CALD1: variants seen among roughly 807,000 people sequenced by gnomAD.
The protein encoded by CALD1 is caldesmon 1, also known as caldesmon.
In CALD1, 33 loss-of-function variants were observed where a neutral mutation model predicts 99.9. That is an observed-to-expected ratio of 0.33 (90% CI 0.25 to 0.44). The LOEUF (loss-of-function observed/expected upper bound fraction) is 0.44, where lower values mean the gene tolerates loss of function less well. CALD1 is among the 20% of genes least tolerant of loss of function. The pLI, the probability that CALD1 is intolerant of heterozygous loss-of-function variation, is 1.00. For synonymous variants in CALD1, 310 were observed against 325.0 expected (o/e 0.95, Z 0.50); for missense variants, 861 against 962.1 (o/e 0.89, Z 1.39).
At chr7:134,918,463 G>C (rs781050727) in intron 3 of CALD1, among the ~76,000 whole-genome samples, 1 of 152,220 alleles carries the variant, frequency 6.6e-6, no homozygotes, top group Non-Finnish European at 1.5e-5. Context: ...GTTATGCATA[G>C]TTTATTTAAG....
chr7:134,863,111 C>A (rs1800632392), intron 2 of CALD1, among the ~76,000 whole-genome samples: 1 of 152,144 alleles, frequency 6.6e-6, no homozygotes, highest in Non-Finnish European at 1.5e-5. Context: ...TAAGGGACCA[C>A]CCTAATCACC....
At chr7:134,922,263 C>T (rs1417580569) in intron 3 of CALD1, among the ~76,000 whole-genome samples, 1 of 152,132 alleles carries the variant, frequency 6.6e-6, no homozygotes, top group Non-Finnish European at 1.5e-5. Context: ...TGCTCCTAAA[C>T]ATGTAATAAA....
At chr7:134,824,123 TCA>T (rs1491090156) in intron 1 of CALD1, among the ~76,000 whole-genome samples, 2 of 152,224 alleles carry the variant, frequency 1.3e-5, no homozygotes, top group Non-Finnish European at 2.9e-5. Context: ...TTTTAATTTT[TCA>T]CAGTCTTGAA....
intron 2 of CALD1, among the ~76,000 whole-genome samples, chr7:134,861,557 A>C (rs1337628269): frequency 6.6e-6 from 1 of 152,242 alleles, no homozygotes; most frequent in Non-Finnish European, 1.5e-5. Flanking sequence ...GGGTGTGACA[A>C]GCCTGGTGGA....
chr7:134,873,955 G>A (rs1298412320), intron 3 of CALD1, among the ~76,000 whole-genome samples: 3 of 152,108 alleles, frequency 2.0e-5, no homozygotes, highest in Admixed American at 6.5e-5. Context: ...AATATGAAAG[G>A]CTTGTGGATT....
At chr7:134,766,819 G>A (rs1796830292) in intron 1 of CALD1, among the ~76,000 whole-genome samples, 2 of 152,258 alleles carry the variant, frequency 1.3e-5, no homozygotes, top group South Asian at 4.1e-4. Context: ...GAGGAGTTAG[G>A]GATCGTGGCG....
At chr7:134,887,597 C>T (rs186691853) in intron 3 of CALD1, among the ~76,000 whole-genome samples, 10 of 150,926 alleles carry the variant, frequency 6.6e-5, no homozygotes, top group East Asian at 5.9e-4. Flanking sequence ...TGCATGTGTG[C>T]GTATGCATGC....
At chr7:134,842,936 C>G (rs1799707885) in intron 1 of CALD1, among the ~76,000 whole-genome samples, 1 of 152,100 alleles carries the variant, frequency 6.6e-6, no homozygotes, top group African/African-American at 2.4e-5. Flanking sequence ...CTTGGTTCTC[C>G]TATAGTAAAT....
At chr7:134,907,820 G>A (rs1212102601) in intron 3 of CALD1, among the ~76,000 whole-genome samples, 3 of 151,940 alleles carry the variant, frequency 2.0e-5, no homozygotes, top group Non-Finnish European at 2.9e-5. Context: ...CCTCAGACAC[G>A]AGCAATCCTT....
intron 3 of CALD1, among the ~76,000 whole-genome samples, chr7:134,901,378 G>A (rs1306976404): frequency 2.6e-5 from 4 of 152,036 alleles, no homozygotes; most frequent in Non-Finnish European, 5.9e-5. Context: ...GAATATACAT[G>A]TAAAGTGGCT....
At chr7:134,858,770 A>T (rs938194088) in intron 2 of CALD1, among the ~76,000 whole-genome samples, 1 of 152,050 alleles carries the variant, frequency 6.6e-6, no homozygotes, top group Non-Finnish European at 1.5e-5. Flanking sequence ...GGGTTTCACC[A>T]TGTTGGCCAG....
At chr7:134,813,435 C>T (rs961515669) in intron 1 of CALD1, among the ~76,000 whole-genome samples, 1 of 152,066 alleles carries the variant, frequency 6.6e-6, no homozygotes, top group African/African-American at 2.4e-5. Flanking sequence ...ATTGCTAGAG[C>T]AATGTCCTTG....
chr7:134,854,755 C>T (rs1400951096), intron 2 of CALD1, among the ~76,000 whole-genome samples: 1 of 152,140 alleles, frequency 6.6e-6, no homozygotes, highest in African/African-American at 2.4e-5. Context: ...TGACTTTAGC[C>T]TTATTAGCAA....
At chr7:134,747,507 G>A (rs903851790) in intron 1 of CALD1, among the ~76,000 whole-genome samples, 5 of 152,220 alleles carry the variant, frequency 3.3e-5, no homozygotes, top group African/African-American at 4.8e-5. Context: ...CCTATTGTTC[G>A]AGACAATGGA....
chr7:134,872,124 C>T (rs10243483), intron 3 of CALD1, among the ~76,000 whole-genome samples: 45,112 of 151,994 alleles, frequency 0.3, 7,570 homozygotes, highest in African/African-American at 0.46. Flanking sequence ...TCCCAGCACT[C>T]TGGGAGGCTG....
At chr7:134,940,188 C>T (rs550872739) in intron 6 of CALD1, among the ~76,000 whole-genome samples, 1 of 152,278 alleles carries the variant, frequency 6.6e-6, no homozygotes, top group South Asian at 2.1e-4. Flanking sequence ...TCACACTCAT[C>T]TTTTAAGAAT....
In CALD1 at chr7:134,867,780, A is replaced by G; in HGVS notation, c.47A>G (p.Glu16Gly). Residue 16 changes from glutamate (E) to glycine (G), a missense_variant, in exon 3 of 15, where the codon GAG becomes GGG. By Grantham distance (98) the Glu-to-Gly change is moderately conservative. Coordinates refer to ENST00000361675, the MANE Select transcript of CALD1 (RefSeq NM_033138.4). ...RRRELRRQKR[E>G]EMRLEAERIA... ...AGAGAACTTAGAAGGCAAAAGAGGG[A>G]GGAGATGCGACTCGAAGCAGAAAGG... The G allele has an allele frequency of 1.2e-6, 2 of 1,607,798 alleles. No individual in the cohort carries two copies. Among genetic ancestry groups the G allele is most frequent in the South Asian group, 2.2e-5 (2 of 90,434 alleles).
At chr7:134,882,700 C>G (rs1225066868) in intron 3 of CALD1, among the ~76,000 whole-genome samples, 1 of 152,174 alleles carries the variant, frequency 6.6e-6, no homozygotes, top group Non-Finnish European at 1.5e-5. Context: ...TAGGGCCAAT[C>G]TCTGGCATGT....
intron 5 of CALD1, among the ~76,000 whole-genome samples, chr7:134,935,299 C>G (rs1315410911): frequency 1.3e-5 from 2 of 152,208 alleles, no homozygotes; most frequent in Admixed American, 1.3e-4. Context: ...TCACATTCAC[C>G]TTTCCAGAGC....
Sources: allele counts gnomAD v4.1 joint callset (sites outside exome capture counted in the v4.1 genomes callset), GRCh38; gene constraint gnomAD v4.1.1; transcripts MANE v1.5; gene names NCBI Gene and HGNC (gene_info 2026-07-23, HGNC 2026-07-21).